Variants in KIF17 observed in about 807,000 individuals in gnomAD.
The protein encoded by KIF17 is kinesin-like protein KIF17.
Under a neutral mutation model 96.8 loss-of-function variants are expected in KIF17, and 80 were observed. That is an observed-to-expected ratio of 0.83 (90% confidence interval 0.69 to 1.00). The LOEUF is 1.00. Among genes scored for constraint, KIF17 ranks in the 50% least tolerant of loss-of-function variants. The probability of loss-of-function intolerance (pLI) is 0.00; values close to 1 mark genes in which losing one functional copy is unlikely to be tolerated. For synonymous variants in KIF17, 567 were observed against 587.5 expected (o/e 0.97, Z 0.51); for missense variants, 1,280 against 1,372.9 (o/e 0.93, Z 1.07).
rs528825687 is a variant in KIF17, at chr1:20,687,663, C to G, written c.1663G>C (p.Gly555Arg). 6 of 1,614,206 alleles carry G rather than the reference C, an allele frequency of 3.7e-6. No individual in the cohort carries two copies. In the Admixed American group the frequency reaches 1.0e-4, roughly 27 times the overall value. Residue 555 changes from glycine to arginine, a missense_variant, in exon 8 of 15, where the codon GGG becomes CGG. Transcript: ENST00000400463. The surrounding 1 kb of genome is among the most constrained non-coding windows in gnomAD (Gnocchi z 4.4). Reference protein sequence around the residue: ...EETSVSEAFPGPEEPSNVEVS... With the variant: ...EETSVSEAFPRPEEPSNVEVS... Reference sequence around the variant, plus strand: ...TCCACGTTGGAGGGCTCCTCAGGCCCAGGGAAAGCCTCGGACACAGAGGTT... The same window carrying G: ...TCCACGTTGGAGGGCTCCTCAGGCCGAGGGAAAGCCTCGGACACAGAGGTT...
chr1:20,691,281 T>C (rs1239224548), intron 6 of KIF17, among the ~76,000 whole-genome samples: 1 of 151,552 alleles, frequency 6.6e-6, no homozygotes, highest in African/African-American at 2.4e-5. Flanking sequence ...GACAGAGTGA[T>C]ACTCCGTCTC....
At position 20,717,802 on chromosome 1, in the gene KIF17, C is replaced by T. The variant is rs1370202614; in HGVS notation, c.-96G>A. The T allele has an allele frequency of 2.0e-5, 26 of 1,311,980 alleles. No homozygotes were observed. In the South Asian group the frequency reaches 5.0e-4, roughly 25 times the overall value. The allele number at this position is 1,311,980 out of a possible 1,614,324, so 81.3% of individuals were successfully genotyped here. On this transcript the variant is annotated 5_prime_UTR_variant, in exon 1 of 15. In the 5' UTR this introduces an upstream ATG that the reference lacks. Transcript: ENST00000400463. ...CAAGGGGCGGGGCCAGCGCCGGCCA[C>T]GGGGGGCGGGGCCTTGAGGCAGGGG... is the stretch of plus-strand genomic sequence containing the variant.
chr1:20,701,461 GC>G (rs1281494486), intron 5 of KIF17, among the ~76,000 whole-genome samples: 1 of 152,166 alleles, frequency 6.6e-6, no homozygotes, highest in Non-Finnish European at 1.5e-5. Context: ...AAATTGCATG[GC>G]CAGGCTGCAG....
At chr1:20,686,532 C>T (rs989477666) in intron 8 of KIF17, among the ~76,000 whole-genome samples, 1 of 151,974 alleles carries the variant, frequency 6.6e-6, no homozygotes, top group Non-Finnish European at 1.5e-5. Context: ...GAAAGGAAAG[C>T]AGAGAACAAA....
At chr1:20,683,649 C>T (rs1021407291) in intron 10 of KIF17, among the ~76,000 whole-genome samples, 5 of 151,532 alleles carry the variant, frequency 3.3e-5, no homozygotes, top group Non-Finnish European at 7.4e-5. Flanking sequence ...AGCAAGGCTT[C>T]ATCTCAAAAA....
rs769986016 is a variant in KIF17, at chr1:20,687,843, C to T, written c.1483G>A (p.Val495Met). The T allele has an allele frequency of 2.5e-6, 4 of 1,614,124 alleles. No individual in the cohort carries two copies. In the East Asian group the frequency reaches 6.7e-5, roughly 27 times the overall value. ...GTGGAGAAGACCTTGGGTTTCACCACTGTCTCATACTGAAAAGCAGGCGGG... is the reference window on the plus strand; with the variant it reads ...GTGGAGAAGACCTTGGGTTTCACCATTGTCTCATACTGAAAAGCAGGCGGG... Reference protein sequence around the residue: ...EYPPAFQYETVVKPKVFSTTD... With the variant: ...EYPPAFQYETMVKPKVFSTTD... Residue 495 changes from valine (V) to methionine (M), a missense_variant, in exon 8 of 15, where the codon GTG becomes ATG. By Grantham distance (21) the Val-to-Met change is conservative. Transcript: ENST00000400463. This position sits in a 1 kb window ranked among gnomAD's most constrained non-coding sequence, Gnocchi z 4.4.
At chr1:20,681,181 GGTTTT>G (rs113159025) in intron 11 of KIF17, among the ~76,000 whole-genome samples, 26 of 140,990 alleles carry the variant, frequency 1.8e-4, no homozygotes, top group Non-Finnish European at 3.3e-4. Flanking sequence ...GAGGCAAAAA[GGTTTT>G]GTTTTGTTTT....
Position 20,685,017 on chromosome 1 carries a change from C to A in KIF17, c.2023G>T (p.Val675Leu). 1 of 1,589,508 alleles carries A rather than the reference C, an allele frequency of 6.3e-7. No homozygotes were observed. The highest frequency in any genetic ancestry group is 8.6e-7 in the Non-Finnish European group (1 of 1,167,870). ...AADDFPPRPE[V>L]DLASEVALEV... ...AAGGCCACTTCCGAGGCCAGATCTA[C>A]CTCCTGAGTGTGAAGAGAAACCCAG... The change falls in exon 10 of 15, where the codon GTA becomes TTA. Residue 675 changes from valine to leucine, a missense_variant. Physicochemically the swap from Val to Leu is conservative, Grantham distance 32. Transcript: ENST00000400463. This position sits in a 1 kb window ranked among gnomAD's most constrained non-coding sequence, Gnocchi z 4.1.
chr1:20,696,930 G>A lies in KIF17; in HGVS notation c.1233+1449C>T, dbSNP rs114731649. Among the ~76,000 whole-genome samples, 1,128 of 152,322 alleles carry A rather than the reference G, an allele frequency of 7.4e-3. 14 individuals are homozygous for A. The highest frequency in any genetic ancestry group is 0.025 in the African/African-American group (1,042 of 41,566). On this transcript the variant is annotated intron_variant, in intron 6 of 14. Transcript: ENST00000400463. ...GGGACCTGACACCCGGGCTGGAAAC[G>A]GCAGTGGAGGGAGAAAGGCAGTGCC...
intron 12 of KIF17, among the ~76,000 whole-genome samples, chr1:20,671,126 A>G (rs2053640896): frequency 6.6e-6 from 1 of 152,082 alleles, no homozygotes; most frequent in Admixed American, 6.6e-5. Flanking sequence ...TGGTCCTCCC[A>G]CTCACTGCTG....
In KIF17 at chr1:20,704,627, C is replaced by T; in HGVS notation, c.943G>A (p.Ala315Thr). 3 of 1,614,186 alleles carry T rather than the reference C, an allele frequency of 1.9e-6. No homozygotes were observed. The highest frequency in any genetic ancestry group is 2.5e-6 in the Non-Finnish European group (3 of 1,180,026). ...KTLMVACLSPADNNYDETLST... is the reference protein window; with the variant it reads ...KTLMVACLSPTDNNYDETLST... ...AGTGTCTCATCGTAGTTGTTGTCCG[C>T]AGGCGACAGGCAGGCCACCATGAGC... Residue 315 changes from alanine (A) to threonine (T), a missense_variant, in exon 5 of 15, where the codon GCG (alanine) becomes ACG (threonine). Ala to Thr is a moderately conservative substitution (Grantham distance 58, BLOSUM62 0). Transcript: ENST00000400463. This position sits in a 1 kb window ranked among gnomAD's most constrained non-coding sequence, Gnocchi z 6.8.
At position 20,672,185 on chromosome 1, in the gene KIF17, T is replaced by C; in HGVS notation, c.2475A>G (p.Ala825=). The change falls in exon 12 of 15, where the codon GCA becomes GCG. Residue 825 remains alanine (A), a synonymous_variant. Transcript: ENST00000400463. This position sits in a 1 kb window ranked among gnomAD's most constrained non-coding sequence, Gnocchi z 4.3. ...ACTGCAGATCTTTGATCTCCACCTCTGCTGCCCGAAGCTGAAAGCAAAGGA... is the reference window on the plus strand; with the variant it reads ...ACTGCAGATCTTTGATCTCCACCTCCGCTGCCCGAAGCTGAAAGCAAAGGA... ...LEKMQRKLRA[A]EVEIKDLQSE... is the part of the protein sequence containing the mutation. 1 of 1,614,148 alleles carries C rather than the reference T, an allele frequency of 6.2e-7. No homozygotes were observed. Among genetic ancestry groups the C allele is most frequent in the Non-Finnish European group, 8.5e-7 (1 of 1,180,026 alleles).
intron 11 of KIF17, among the ~76,000 whole-genome samples, chr1:20,676,203 A>C (rs1043395213): frequency 6.6e-6 from 1 of 152,232 alleles, no homozygotes; most frequent in African/African-American, 2.4e-5. Flanking sequence ...TAGAAAAAAA[A>C]CATGAGGGAA....
chr1:20,671,947 G>C lies in KIF17; in HGVS notation c.2713C>G (p.Leu905Val), dbSNP rs1219476254. 6.2e-7 allele frequency: 1 copy of C among 1,613,540 alleles called. No individual in the cohort carries two copies. The highest frequency in any genetic ancestry group is 1.3e-5 in the African/African-American group (1 of 74,938). ...IPHPVITKTS[L>V]PVVSTGPQNK... Reference sequence around the variant, plus strand: ...CAGCCAAGCTCCTGACCTACTGGGAGGCTGGTTTTTGTGATGACGGGATGT... The same window carrying C: ...CAGCCAAGCTCCTGACCTACTGGGACGCTGGTTTTTGTGATGACGGGATGT... Residue 905 changes from leucine to valine, a missense_variant, in exon 12 of 15, where the codon CTC (leucine) becomes GTC (valine). By Grantham distance (32) the Leu-to-Val change is conservative. Transcript: ENST00000400463.
Position 20,700,018 on chromosome 1 carries a change from C to T in KIF17, c.1124-1530G>A, listed in dbSNP as rs752323460. ...CGAGGAGACCCGTTGCGGGGGCGTG[C>T]AGAAACTCAGTCTGGAGGGCAGCAG... is the stretch of plus-strand genomic sequence containing the variant. On this transcript the variant is annotated intron_variant, in intron 5 of 14. Transcript: ENST00000400463. The surrounding 1 kb of genome is among the most constrained non-coding windows in gnomAD (Gnocchi z 4.6). Among the ~76,000 whole-genome samples the T allele has an allele frequency of 6.6e-6, 1 of 152,168 alleles. No homozygotes were observed. Among genetic ancestry groups the T allele is most frequent in the Non-Finnish European group, 1.5e-5 (1 of 68,030 alleles).
At chr1:20,676,692 G>C (rs568234660) in intron 11 of KIF17, among the ~76,000 whole-genome samples, 24 of 151,914 alleles carry the variant, frequency 1.6e-4, no homozygotes, top group African/African-American at 5.3e-4. Flanking sequence ...TTAGCCAGGC[G>C]TGGTGGCACA....
Position 20,672,096 on chromosome 1 carries a change from A to G in KIF17, c.2564T>C (p.Met855Thr). The change falls in exon 12 of 15, where the codon ATG becomes ACG. Residue 855 changes from methionine (M) to threonine (T), a missense_variant. By Grantham distance (81) the Met-to-Thr change is moderately conservative (BLOSUM62 -1). Coordinates refer to ENST00000400463, the MANE Select transcript of KIF17 (RefSeq NM_001122819.3). The surrounding 1 kb of genome is among the most constrained non-coding windows in gnomAD (Gnocchi z 4.3). ...ATIRRQERDS[M>T]LLQQLLEQVQ... ...CTGCTCCAGGAGCTGCTGCAAGAGC[A>G]TGGAGTCACGCTCCTGCCGGCGGAT... is the stretch of plus-strand genomic sequence containing the variant. 6.2e-7 allele frequency: 1 copy of G among 1,614,208 alleles called. No individual in the cohort carries two copies. The highest frequency in any genetic ancestry group is 1.3e-5 in the African/African-American group (1 of 75,050).
At chr1:20,673,187 C>T (rs11582187) in intron 11 of KIF17, among the ~76,000 whole-genome samples, 1 of 151,922 alleles carries the variant, frequency 6.6e-6, no homozygotes, top group South Asian at 2.1e-4. Context: ...GCACTCCAGC[C>T]TGGGCGACAG....
Position 20,687,802 on chromosome 1 carries a change from G to A in KIF17, c.1524C>T (p.Pro508=). 6.2e-7 allele frequency: 1 copy of A among 1,614,140 alleles called. No individual in the cohort carries two copies. Among genetic ancestry groups the A allele is most frequent in the Non-Finnish European group, 8.5e-7 (1 of 1,180,020 alleles). Reference sequence around the variant, plus strand: ...CCTGAGTCTTGGAGACATCGTCACTGGGCAGAGTGTCAGTCGTGGAGAAGA... The same window carrying A: ...CCTGAGTCTTGGAGACATCGTCACTAGGCAGAGTGTCAGTCGTGGAGAAGA... The part of the protein sequence containing the change: ...PKVFSTTDTL[P]SDDVSKTQVS... The change falls in exon 8 of 15, where the codon CCC becomes CCT. Residue 508 remains proline, a synonymous_variant. Transcript: ENST00000400463. The surrounding 1 kb of genome is among the most constrained non-coding windows in gnomAD (Gnocchi z 4.4).
Sources: allele counts gnomAD v4.1 joint callset (sites outside exome capture counted in the v4.1 genomes callset), GRCh38; gene constraint gnomAD v4.1.1; non-coding constraint Gnocchi (gnomAD v3.1); transcripts MANE v1.5; gene names NCBI Gene and HGNC (gene_info 2026-07-23, HGNC 2026-07-21).